ARFGEF3: variants seen among roughly 807,000 people sequenced by gnomAD.
ARFGEF3 encodes the protein ARFGEF family member 3, also known as brefeldin A-inhibited guanine nucleotide-exchange protein 3.
A neutral mutation model predicts 221.7 loss-of-function variants in ARFGEF3; 96 were observed. That is an observed-to-expected ratio of 0.43 (90% confidence interval 0.37 to 0.51). The LOEUF (loss-of-function observed/expected upper bound fraction) is 0.51, where lower values mean the gene tolerates loss of function less well. Among genes scored for constraint, ARFGEF3 ranks in the 20% least tolerant of loss-of-function variants. The probability of loss-of-function intolerance (pLI) is 0.00; values close to 1 mark genes in which losing one functional copy is unlikely to be tolerated. For missense variants in ARFGEF3, 2,410 were observed against 2,789.9 expected (o/e 0.86, Z 3.07); for synonymous variants, 1,145 against 1,126.8 (o/e 1.02, Z -0.32).
rs117833836 is a variant in ARFGEF3, at chr6:138,331,704, G to A, written c.5124-2266G>A. ...TTCCTTTGCCCTTAAGCAGCAGGAG[G>A]ATGGCAGACTTCTTAAAGGTGTGCT... On this transcript the variant is annotated intron_variant, in intron 32 of 33. Coordinates refer to ENST00000251691, the MANE Select transcript of ARFGEF3 (RefSeq NM_020340.5). Among the ~76,000 whole-genome samples the A allele has an allele frequency of 1.7e-3, 264 of 152,344 alleles. 2 individuals carry two copies. Among genetic ancestry groups the A allele is most frequent in the Admixed American group, 0.014 (217 of 15,298 alleles).
intron 25 of ARFGEF3, 101 bp downstream of exon 25, chr6:138,311,611 A>G: frequency 1.3e-6 from 1 of 764,436 alleles, no homozygotes; most frequent in Admixed American, 2.2e-5. Flanking sequence ...CGAGAGAGAC[A>G]CTTTGCCGTC....
At chr6:138,233,794 C>G (rs1778236214) in intron 5 of ARFGEF3, among the ~76,000 whole-genome samples, 1 of 152,064 alleles carries the variant, frequency 6.6e-6, no homozygotes. Context: ...TACACAGATG[C>G]CTTGATCTAT....
At chr6:138,307,499 C>A in intron 23 of ARFGEF3, 102 bp downstream of exon 23, 2 of 1,087,138 alleles carry the variant, frequency 1.8e-6, no homozygotes, top group Non-Finnish European at 1.4e-6. Context: ...GACAGATTGT[C>A]AGCCATGTTT....
At chr6:138,309,395 C>T (rs1779784076) in intron 24 of ARFGEF3, among the ~76,000 whole-genome samples, 2 of 152,074 alleles carry the variant, frequency 1.3e-5, no homozygotes, top group East Asian at 1.9e-4. Flanking sequence ...CTGAAATACA[C>T]GAGGCTTTCA....
At chr6:138,217,209 TA>T in intron 4 of ARFGEF3, 1 of 152,256 alleles carries the variant, frequency 6.6e-6, no homozygotes, top group Non-Finnish European at 1.5e-5. Flanking sequence ...ATCACTCTAC[TA>T]AGTGTCTTTA....
chr6:138,272,740 G>C (rs962912869), intron 12 of ARFGEF3, among the ~76,000 whole-genome samples: 1 of 152,234 alleles, frequency 6.6e-6, no homozygotes, highest in Admixed American at 6.5e-5. Flanking sequence ...TTATCACGAA[G>C]GTTTAGAAAG....
At chr6:138,281,498 T>C (rs1779195717) in intron 14 of ARFGEF3, among the ~76,000 whole-genome samples, 1 of 152,196 alleles carries the variant, frequency 6.6e-6, no homozygotes, top group Non-Finnish European at 1.5e-5. Context: ...CCAGTATCTG[T>C]TGTTACCGTC....
chr6:138,205,434 G>A (rs1052037229), intron 2 of ARFGEF3, among the ~76,000 whole-genome samples: 1 of 152,138 alleles, frequency 6.6e-6, no homozygotes, highest in African/African-American at 2.4e-5. Context: ...ATGAAGTTCT[G>A]TGCTGCTTCT....
intron 5 of ARFGEF3, among the ~76,000 whole-genome samples, chr6:138,233,980 C>A (rs1433784378): frequency 1.3e-5 from 2 of 152,180 alleles, no homozygotes; most frequent in East Asian, 3.8e-4. Context: ...GAAACCCTTT[C>A]TTTCCTGTGT....
chr6:138,263,715 A>G (rs1778834522), intron 12 of ARFGEF3, 104 bp downstream of exon 12: 4 of 1,085,394 alleles, frequency 3.7e-6, no homozygotes, highest in South Asian at 1.6e-5. Flanking sequence ...CTCAAAGCAT[A>G]TTAATGTATC....
intron 2 of ARFGEF3, among the ~76,000 whole-genome samples, chr6:138,204,847 T>C (rs1278861433): frequency 6.6e-6 from 1 of 152,218 alleles, no homozygotes; most frequent in Non-Finnish European, 1.5e-5. Context: ...TAAACACTCA[T>C]ATCTTTCAAC....
chr6:138,181,537 G>A (rs992529227), intron 2 of ARFGEF3, among the ~76,000 whole-genome samples: 7 of 152,118 alleles, frequency 4.6e-5, no homozygotes, highest in Non-Finnish European at 8.8e-5. Context: ...TCTGTCTCCC[G>A]GGTTCAAGCA....
intron 9 of ARFGEF3, 44 bp from the exon 10 acceptor site, chr6:138,255,392 T>C: frequency 7.0e-7 from 1 of 1,428,692 alleles, no homozygotes; most frequent in Non-Finnish European, 9.6e-7. Flanking sequence ...AATTTTATCA[T>C]TTGGCTCGTG....
rs986432899 is a variant in ARFGEF3, at chr6:138,162,117, G to A, written c.31G>A (p.Glu11Lys). MEEILRKLQK[E>K]ASGSKYKAIK... ...AGAAATCCTGAGGAAGCTGCAGAAG[G>A]AGGCGTCCGGGAGCAAGTACAAAGC... Residue 11 changes from glutamate to lysine, a missense_variant, in exon 1 of 34, where the codon GAG (glutamate) becomes AAG (lysine). Coordinates refer to ENST00000251691, the MANE Select transcript of ARFGEF3 (RefSeq NM_020340.5). This position sits in a 1 kb window ranked among gnomAD's most constrained non-coding sequence, Gnocchi z 4.7. The A allele has an allele frequency of 6.2e-7, 1 of 1,604,802 alleles. No homozygotes were observed. Among genetic ancestry groups the A allele is most frequent in the African/African-American group, 1.4e-5 (1 of 73,522 alleles).
chr6:138,270,463 C>T lies in ARFGEF3; in HGVS notation c.2128+6852C>T, dbSNP rs200606844. Among the ~76,000 whole-genome samples, 803 of 123,850 alleles carry T rather than the reference C, an allele frequency of 6.5e-3. 5 individuals are homozygous for T. The highest frequency in any genetic ancestry group is 9.4e-3 in the Non-Finnish European group (595 of 63,538). 81.3% of individuals were successfully genotyped at this position (123,850 alleles called of 152,430 possible). A position where few individuals can be genotyped will look rare whatever the true frequency, so the allele number is the denominator to read the frequency against. ...ACACACACACACACACACACACACACATATATATATCTGGGCTCTAGCCAT... is the reference window on the plus strand; with the variant it reads ...ACACACACACACACACACACACACATATATATATATCTGGGCTCTAGCCAT... On this transcript the variant is annotated intron_variant, in intron 12 of 33. Transcript: ENST00000251691.
intron 13 of ARFGEF3, among the ~76,000 whole-genome samples, chr6:138,279,434 A>G (rs1309627011): frequency 6.6e-6 from 1 of 152,216 alleles, no homozygotes; most frequent in East Asian, 1.9e-4. Context: ...AAGGGATACA[A>G]TGAGAGTGTT....
In ARFGEF3 at chr6:138,337,590, C is replaced by G. The variant is rs893647524; in HGVS notation, c.*1104C>G. 19 of 152,374 alleles carry G rather than the reference C, an allele frequency of 1.2e-4. No homozygotes were observed. The highest frequency in any genetic ancestry group is 4.3e-4 in the African/African-American group (18 of 41,396). The allele number at this position is 152,374 out of a possible 1,614,324, so 9.4% of individuals were successfully genotyped here. A position where few individuals can be genotyped will look rare whatever the true frequency, so the allele number is the denominator to read the frequency against. On this transcript the variant is annotated 3_prime_UTR_variant, in exon 34 of 34. Transcript: ENST00000251691. Reference sequence around the variant, plus strand: ...AATTATGGTGTCAGTTACACAAGCTCTAGTCTCAAAATGAAAGTAATGGAG... The same window carrying G: ...AATTATGGTGTCAGTTACACAAGCTGTAGTCTCAAAATGAAAGTAATGGAG...
At chr6:138,210,127 C>T (rs928084535) in intron 4 of ARFGEF3, 86 bp downstream of exon 4, 78 of 1,380,134 alleles carry the variant, frequency 5.7e-5, no homozygotes, top group Non-Finnish European at 6.7e-5. Context: ...AATGCCTCTG[C>T]GTTGTGGTCA....
chr6:138,344,460 GTTC>G lies in ARFGEF3; in HGVS notation c.*7977_*7979del, dbSNP rs1780481096. 6.6e-6 allele frequency: 1 copy of G among 152,028 alleles called. No individual in the cohort carries two copies. Among genetic ancestry groups the G allele is most frequent in the African/African-American group, 2.4e-5 (1 of 41,378 alleles). The allele number at this position is 152,028 out of a possible 1,614,324, so 9.4% of individuals were successfully genotyped here. A position where few individuals can be genotyped will look rare whatever the true frequency, so the allele number is the denominator to read the frequency against. On this transcript the variant is annotated 3_prime_UTR_variant, in exon 34 of 34. Coordinates refer to ENST00000251691, the MANE Select transcript of ARFGEF3 (RefSeq NM_020340.5). ...ATAACTGATTTTATAGAATCTGTCT[GTTC>G]TTTGTTTAACAGGTCTCTGTAAGCA...
Sources: allele counts gnomAD v4.1 joint callset (sites outside exome capture counted in the v4.1 genomes callset), GRCh38; gene constraint gnomAD v4.1.1; non-coding constraint Gnocchi (gnomAD v3.1); transcripts MANE v1.5; gene names NCBI Gene and HGNC (gene_info 2026-07-23, HGNC 2026-07-21).